The following PPP3CC variants were observed in gnomAD, a reference collection of about 807,000 sequenced individuals.
PPP3CC encodes the protein protein phosphatase 3 catalytic subunit gamma, also known as serine/threonine-protein phosphatase 2B catalytic subunit gamma isoform.
In PPP3CC, 35 loss-of-function variants were observed where a neutral mutation model predicts 60.3. The observed-to-expected ratio is 0.58, with a 90% CI of 0.44 to 0.77. PPP3CC has a LOEUF of 0.77. PPP3CC is among the 30% of genes least tolerant of loss of function. The pLI, the probability that PPP3CC is intolerant of heterozygous loss-of-function variation, is 0.00. For missense variants in PPP3CC, 570 were observed against 628.9 expected, an observed-to-expected ratio of 0.91 and a Z score of 1.00; for synonymous variants, 206 against 224.3, an observed-to-expected ratio of 0.92 and a Z score of 0.73.
intron 4 of PPP3CC, among the ~76,000 whole-genome samples, chr8:22,499,457 G>GAAA (rs36071830): frequency 3.0e-4 from 44 of 147,476 alleles, no homozygotes; most frequent in Non-Finnish European, 5.7e-4. Context: ...AAAAAAAAAA[G>GAAA]AAAAAAAAAA....
intron 1 of PPP3CC, among the ~76,000 whole-genome samples, chr8:22,465,728 C>G (rs1183420731): frequency 2.0e-5 from 3 of 152,126 alleles, no homozygotes; most frequent in Non-Finnish European, 4.4e-5. Flanking sequence ...TATAAATTAT[C>G]CAGTCTATAA....
chr8:22,530,790 C>T (rs1325407770), intron 10 of PPP3CC, among the ~76,000 whole-genome samples: 1 of 130,176 alleles, frequency 7.7e-6, no homozygotes, highest in African/African-American at 2.9e-5. Flanking sequence ...CAAGATCGCA[C>T]TACTGCACTC....
intron 3 of PPP3CC, chr8:22,492,622 A>G (rs960364312): frequency 8.3e-6 from 5 of 600,042 alleles, no homozygotes; most frequent in Admixed American, 2.6e-5. Flanking sequence ...AGAAGATGAA[A>G]CAAACAGTTA....
At chr8:22,481,369 TAATAATA>T in intron 3 of PPP3CC, among the ~76,000 whole-genome samples, 1 of 146,880 alleles carries the variant, frequency 6.8e-6, no homozygotes, top group East Asian at 2.0e-4. Flanking sequence ...ATAATAATAA[TAATAATA>T]ATAATGATAA....
At chr8:22,451,183 T>C (rs1471817875) in intron 1 of PPP3CC, among the ~76,000 whole-genome samples, 1 of 149,774 alleles carries the variant, frequency 6.7e-6, no homozygotes, top group Non-Finnish European at 1.5e-5. Context: ...TCTCCCAGGC[T>C]GGAGTGCAGT....
chr8:22,528,708 T>C (rs1473230214), intron 10 of PPP3CC, 131 bp downstream of exon 10: 1 of 683,924 alleles, frequency 1.5e-6, no homozygotes, highest in African/African-American at 1.8e-5. Flanking sequence ...AAATAAAATT[T>C]GAAAAATACG....
chr8:22,500,086 G>A (rs545477926), intron 4 of PPP3CC, among the ~76,000 whole-genome samples: 7 of 152,228 alleles, frequency 4.6e-5, no homozygotes, highest in South Asian at 4.1e-4. Flanking sequence ...ACACACTCTT[G>A]AAAAAGAATT....
At chr8:22,488,833 C>A (rs547567692) in intron 3 of PPP3CC, among the ~76,000 whole-genome samples, 1 of 152,258 alleles carries the variant, frequency 6.6e-6, no homozygotes, top group Non-Finnish European at 1.5e-5. Context: ...CAGGCAGAGG[C>A]ACAACCAGTG....
chr8:22,513,534 A>T, intron 6 of PPP3CC, 102 bp downstream of exon 6: 3 of 1,268,150 alleles, frequency 2.4e-6, no homozygotes, highest in South Asian at 2.1e-5. Context: ...TAGTATAAGC[A>T]CTCCTGTTTA....
chr8:22,540,867 T>C lies in PPP3CC; in HGVS notation c.*65T>C. The C allele has an allele frequency of 7.3e-7, 1 of 1,377,446 alleles. No homozygotes were observed. Among genetic ancestry groups the C allele is most frequent in the Non-Finnish European group, 9.5e-7 (1 of 1,049,936 alleles). The allele number at this position is 1,377,446 out of a possible 1,614,324, so 85.3% of individuals were successfully genotyped here. ...AGAACAAATTCTATTTATTTATTAT[T>C]GGAAAATGAAAAGCAACTCAAAACA... On this transcript the variant is annotated 3_prime_UTR_variant, in exon 14 of 14. Coordinates refer to ENST00000240139, the MANE Select transcript of PPP3CC (RefSeq NM_005605.5).
At chr8:22,502,854 G>C (rs186738879) in intron 4 of PPP3CC, among the ~76,000 whole-genome samples, 1 of 152,188 alleles carries the variant, frequency 6.6e-6, no homozygotes, top group Admixed American at 6.6e-5. Flanking sequence ...TGGGTTAGGA[G>C]GACTTAGAGG....
chr8:22,479,082 C>T (rs1837984209), intron 3 of PPP3CC, among the ~76,000 whole-genome samples: 1 of 152,096 alleles, frequency 6.6e-6, no homozygotes, highest in Admixed American at 6.5e-5. Flanking sequence ...TTATAAACCT[C>T]TATAGGCTAT....
intron 3 of PPP3CC, among the ~76,000 whole-genome samples, chr8:22,484,489 A>T (rs1838165135): frequency 6.6e-6 from 1 of 152,242 alleles, no homozygotes; most frequent in Admixed American, 6.5e-5. Context: ...TTCTGACAAA[A>T]TGGAATAAGG....
intron 10 of PPP3CC, among the ~76,000 whole-genome samples, 190 bp downstream of exon 10, chr8:22,528,767 T>C (rs1407520586): frequency 1.3e-5 from 2 of 152,238 alleles, no homozygotes; most frequent in African/African-American, 2.4e-5. Flanking sequence ...CATCATCTTA[T>C]AGATATCCAC....
chr8:22,493,173 AT>A (rs1220639108), intron 3 of PPP3CC: 1 of 1,247,914 alleles, frequency 8.0e-7, no homozygotes, highest in African/African-American at 1.5e-5. Context: ...GCTATTTTAT[AT>A]TATGACTGCT....
At chr8:22,469,169 AAAT>A (rs1837637759) in intron 1 of PPP3CC, among the ~76,000 whole-genome samples, 1 of 152,212 alleles carries the variant, frequency 6.6e-6, no homozygotes, top group Non-Finnish European at 1.5e-5. Context: ...AAACAAAACA[AAAT>A]AATGTCACTT....
At chr8:22,513,233 G>T in intron 5 of PPP3CC, 60 bp from the exon 6 acceptor site, 1 of 1,541,494 alleles carries the variant, frequency 6.5e-7, no homozygotes, top group Non-Finnish European at 8.8e-7. Context: ...ACACATACTA[G>T]TTTCCAAGAA....
chr8:22,444,133 G>A lies in PPP3CC; in HGVS notation c.49+2675G>A, dbSNP rs146224900. 7.0e-3 allele frequency among the ~76,000 whole-genome samples: 1,073 copies of A among 152,204 alleles called. 14 individuals carry two copies. The highest frequency in any genetic ancestry group is 0.025 in the African/African-American group (1,033 of 41,510). On this transcript the variant is annotated intron_variant, in intron 1 of 13. Coordinates refer to ENST00000240139, the MANE Select transcript of PPP3CC (RefSeq NM_005605.5). ...TGGCTGGGCGTGGTGGCTCACACCT[G>A]TAATGCCAGCTACTTGGGAGGCTGA...
chr8:22,484,004 G>T (rs1428805479), intron 3 of PPP3CC, among the ~76,000 whole-genome samples: 4 of 150,854 alleles, frequency 2.7e-5, no homozygotes, highest in Non-Finnish European at 5.9e-5. Flanking sequence ...ACCACACTTG[G>T]CTAATTTTTT....
Sources: allele counts gnomAD v4.1 joint callset (sites outside exome capture counted in the v4.1 genomes callset), GRCh38; gene constraint gnomAD v4.1.1; transcripts MANE v1.5; gene names NCBI Gene and HGNC (gene_info 2026-07-23, HGNC 2026-07-21).